MAPK10: variants seen among roughly 807,000 people sequenced by gnomAD.
The protein encoded by MAPK10 is mitogen-activated protein kinase 10.
Under a neutral mutation model 59.3 loss-of-function variants are expected in MAPK10, and 25 were observed. The ratio of observed to expected loss-of-function variants is 0.42; its 90% CI spans 0.31 to 0.59. MAPK10 has a LOEUF of 0.59. MAPK10 is among the 20% of genes least tolerant of loss of function. The pLI is 0.15. For missense variants in MAPK10, 351 were observed against 568.9 expected (o/e 0.62, Z 3.90); for synonymous variants, 190 against 200.5 (o/e 0.95, Z 0.44).
intron 2 of MAPK10, among the ~76,000 whole-genome samples, chr4:86,263,194 G>C (rs933139513): frequency 2.0e-5 from 3 of 152,112 alleles, no homozygotes; most frequent in African/African-American, 4.8e-5. Context: ...ATTGTCCCTT[G>C]TTACTTCTCT....
intron 2 of MAPK10, among the ~76,000 whole-genome samples, chr4:86,199,185 A>G (rs750860798): frequency 5.9e-5 from 9 of 152,066 alleles, no homozygotes; most frequent in Non-Finnish European, 1.3e-4. Flanking sequence ...ACATATTCCT[A>G]GAGAAACTCT....
rs544129420 is a variant in MAPK10, at chr4:86,378,566, G to A, written c.-121-23922C>T. ...TGTGTGAGGATGAGGATGATATTTT[G>A]TTTATCAGTGGATCCTCAGCACCTG... On this transcript the variant is annotated intron_variant, in intron 1 of 13. Transcript: ENST00000361569. Among the ~76,000 whole-genome samples the A allele has an allele frequency of 3.9e-5, 6 of 152,268 alleles. No homozygotes were observed. The East Asian group carries it at 1.2e-3, about 29-fold the overall frequency.
intron 11 of MAPK10, chr4:86,044,429 G>T: frequency 3.9e-6 from 1 of 255,634 alleles, no homozygotes; most frequent in Non-Finnish European, 7.4e-6. Flanking sequence ...ATGCAGCAAA[G>T]ATTAAGACCT....
intron 1 of MAPK10, among the ~76,000 whole-genome samples, chr4:86,570,077 T>A (rs1190774641): frequency 6.6e-6 from 1 of 152,050 alleles, no homozygotes; most frequent in Non-Finnish European, 1.5e-5. Flanking sequence ...TCTTCATTGC[T>A]TAAAACAAAA....
chr4:86,563,714 G>A (rs1203102376), intron 1 of MAPK10, among the ~76,000 whole-genome samples: 2 of 152,146 alleles, frequency 1.3e-5, no homozygotes, highest in Admixed American at 1.3e-4. Context: ...AGTAACTAAT[G>A]GGAGGGTAAT....
At chr4:86,139,557 T>C (rs948702278) in intron 4 of MAPK10, among the ~76,000 whole-genome samples, 1 of 152,086 alleles carries the variant, frequency 6.6e-6, no homozygotes. Context: ...GACTTAAACG[T>C]TAGACCTAAA....
chr4:86,431,461 C>A (rs1748036047), intron 1 of MAPK10, among the ~76,000 whole-genome samples: 1 of 152,148 alleles, frequency 6.6e-6, no homozygotes, highest in Non-Finnish European at 1.5e-5. Flanking sequence ...AGAATTTCTA[C>A]AAAATATTTT....
At chr4:86,428,787 G>A (rs1747647098) in intron 1 of MAPK10, among the ~76,000 whole-genome samples, 1 of 151,936 alleles carries the variant, frequency 6.6e-6, no homozygotes. Context: ...CACCCACAAG[G>A]CATATTCACA....
intron 4 of MAPK10, among the ~76,000 whole-genome samples, chr4:86,139,517 T>G (rs2063106881): frequency 6.6e-6 from 1 of 151,820 alleles, no homozygotes; most frequent in Non-Finnish European, 1.5e-5. Flanking sequence ...CCTTACACCT[T>G]ATACAAAAGT....
chr4:86,482,051 G>T (rs1753654792), intron 1 of MAPK10, among the ~76,000 whole-genome samples: 1 of 152,092 alleles, frequency 6.6e-6, no homozygotes, highest in African/African-American at 2.4e-5. Flanking sequence ...ATTTATAATT[G>T]ATTTTATAAT....
chr4:86,285,364 A>G (rs372330335), intron 2 of MAPK10, among the ~76,000 whole-genome samples: 1 of 151,860 alleles, frequency 6.6e-6, no homozygotes, highest in Admixed American at 6.6e-5. Context: ...TTACAGGTGC[A>G]CACCACCATG....
chr4:86,020,657 G>A (rs1426853779), intron 13 of MAPK10: 1 of 153,412 alleles, frequency 6.5e-6, no homozygotes, highest in Admixed American at 6.5e-5. Flanking sequence ...CTTCCTTCTG[G>A]TGGGTTCGTG....
chr4:86,378,642 G>A (rs562439763), intron 1 of MAPK10, among the ~76,000 whole-genome samples: 1 of 152,306 alleles, frequency 6.6e-6, no homozygotes, highest in East Asian at 1.9e-4. Context: ...TTTGGTGAAT[G>A]ATTGAATGCA....
At chr4:86,397,875 A>G (rs528491422) in intron 1 of MAPK10, among the ~76,000 whole-genome samples, 1 of 150,962 alleles carries the variant, frequency 6.6e-6, no homozygotes, top group African/African-American at 2.4e-5. Context: ...AAAAAAAAAA[A>G]AAAAAAAAAA....
At chr4:86,351,183 TG>T (rs1428407174) in intron 2 of MAPK10, among the ~76,000 whole-genome samples, 9 of 152,096 alleles carry the variant, frequency 5.9e-5, no homozygotes, top group African/African-American at 2.2e-4. Context: ...ATTCACAAAA[TG>T]TACTCTTAGT....
At chr4:86,396,325 C>G (rs992036896) in intron 1 of MAPK10, among the ~76,000 whole-genome samples, 1 of 152,098 alleles carries the variant, frequency 6.6e-6, no homozygotes, top group African/African-American at 2.4e-5. Flanking sequence ...CCAGCCTGGG[C>G]AAGAGTGCGA....
chr4:86,355,957 G>C (rs988888436), intron 1 of MAPK10, among the ~76,000 whole-genome samples: 1 of 152,030 alleles, frequency 6.6e-6, no homozygotes, highest in African/African-American at 2.4e-5. Context: ...AGACAAACAG[G>C]AGTCAGTTTT....
chr4:86,529,407 C>T (rs55930543), intron 1 of MAPK10, among the ~76,000 whole-genome samples: 34,340 of 152,064 alleles, frequency 0.23, 4,610 homozygotes, highest in Admixed American at 0.3. Context: ...CCATTGTCAC[C>T]GGCCCCCACC....
At chr4:86,187,884 C>A (rs959630242) in intron 3 of MAPK10, among the ~76,000 whole-genome samples, 1 of 152,094 alleles carries the variant, frequency 6.6e-6, no homozygotes, top group African/African-American at 2.4e-5. Flanking sequence ...CTGTCATCTA[C>A]ATTAGGTGTT....
Sources: allele counts gnomAD v4.1 joint callset (sites outside exome capture counted in the v4.1 genomes callset), GRCh38; gene constraint gnomAD v4.1.1; transcripts MANE v1.5; gene names NCBI Gene and HGNC (gene_info 2026-07-23, HGNC 2026-07-21).